XPR1: variants seen among roughly 807,000 people sequenced by gnomAD.
XPR1 encodes the protein solute carrier family 53 member 1.
A neutral mutation model predicts 87.5 loss-of-function variants in XPR1; 28 were observed. The ratio of observed to expected loss-of-function variants is 0.32; its 90% CI spans 0.24 to 0.44. XPR1 has a LOEUF of 0.44. XPR1 is among the 20% of genes least tolerant of loss of function. The probability of loss-of-function intolerance (pLI) is 1.00; values close to 1 mark genes in which losing one functional copy is unlikely to be tolerated. For missense variants in XPR1, 559 were observed against 862.3 expected, an observed-to-expected ratio of 0.65 and a Z score of 4.41; for synonymous variants, 300 against 306.1, an observed-to-expected ratio of 0.98 and a Z score of 0.21.
At chr1:180,657,873 G>A (rs1270906821) in intron 1 of XPR1, among the ~76,000 whole-genome samples, 1 of 151,976 alleles carries the variant, frequency 6.6e-6, no homozygotes, top group African/African-American at 2.4e-5. Context: ...AGATTGCTTT[G>A]GGTAATATGG....
intron 13 of XPR1, among the ~76,000 whole-genome samples, chr1:180,879,859 A>G (rs1023341935): frequency 6.6e-5 from 10 of 152,150 alleles, no homozygotes; most frequent in African/African-American, 2.4e-4. Context: ...CTAAAACTGC[A>G]TTGCATAAGT....
At chr1:180,685,092 TG>T (rs1656717736) in intron 2 of XPR1, among the ~76,000 whole-genome samples, 2 of 152,242 alleles carry the variant, frequency 1.3e-5, no homozygotes, top group South Asian at 4.1e-4. Flanking sequence ...TTCCAGTTTT[TG>T]CCCATTCAGT....
chr1:180,873,576 A>C (rs900013385), intron 12 of XPR1, among the ~76,000 whole-genome samples: 1 of 152,224 alleles, frequency 6.6e-6, no homozygotes, highest in Admixed American at 6.5e-5. Context: ...CAAATTCAGT[A>C]ATACTTCATA....
chr1:180,712,732 G>C (rs1447628902), intron 2 of XPR1, among the ~76,000 whole-genome samples: 1 of 152,062 alleles, frequency 6.6e-6, no homozygotes, highest in African/African-American at 2.4e-5. Context: ...CTTGAACCTG[G>C]GAGGCGGAGG....
At chr1:180,698,534 G>A (rs1657244899) in intron 2 of XPR1, among the ~76,000 whole-genome samples, 1 of 152,012 alleles carries the variant, frequency 6.6e-6, no homozygotes, top group African/African-American at 2.4e-5. Flanking sequence ...ATGTGGTTTG[G>A]TGGTTTTCTG....
At chr1:180,685,013 C>T (rs533739338) in intron 2 of XPR1, among the ~76,000 whole-genome samples, 1 of 152,158 alleles carries the variant, frequency 6.6e-6, no homozygotes, top group Non-Finnish European at 1.5e-5. Context: ...CCAGAACTTC[C>T]AACACTATGT....
chr1:180,834,177 G>A lies in XPR1; in HGVS notation c.1135-697G>A, dbSNP rs543048645. ...GCTCAGTGCAACCTCTGCCTCCCAG[G>A]TTCAAGCAATTCTCTTGTCTCAGCC... On this transcript the variant is annotated intron_variant, in intron 9 of 14. Transcript: ENST00000367590. 7.2e-5 allele frequency among the ~76,000 whole-genome samples: 11 copies of A among 152,084 alleles called. No homozygotes were observed. The East Asian group carries it at 2.1e-3, about 29-fold the overall frequency.
chr1:180,807,462 C>T (rs538213084), intron 6 of XPR1, among the ~76,000 whole-genome samples: 1 of 152,182 alleles, frequency 6.6e-6, no homozygotes, highest in South Asian at 2.1e-4. Context: ...TTTATAATAT[C>T]ATCAAAATAT....
chr1:180,875,379 C>A (rs777137241), intron 13 of XPR1, among the ~76,000 whole-genome samples: 1 of 151,676 alleles, frequency 6.6e-6, no homozygotes, highest in Non-Finnish European at 1.5e-5. Context: ...CATGGTGGTG[C>A]GCGCCTGTAG....
intron 2 of XPR1, among the ~76,000 whole-genome samples, chr1:180,779,324 G>A (rs1648848591): frequency 6.6e-6 from 1 of 152,080 alleles, no homozygotes; most frequent in South Asian, 2.1e-4. Context: ...CTGTGTGAGG[G>A]CAGGACCTAC....
intron 2 of XPR1, among the ~76,000 whole-genome samples, chr1:180,719,820 A>G (rs1557973223): frequency 6.6e-6 from 1 of 152,194 alleles, no homozygotes; most frequent in Non-Finnish European, 1.5e-5. Flanking sequence ...CCTTACATAA[A>G]CTGTTCAGTC....
intron 2 of XPR1, among the ~76,000 whole-genome samples, chr1:180,688,411 T>A (rs1656864338): frequency 1.3e-5 from 2 of 152,028 alleles, no homozygotes; most frequent in Admixed American, 6.6e-5. Flanking sequence ...AAATAATGCA[T>A]ATTTAAATTT....
At chr1:180,712,747 A>G (rs1657842588) in intron 2 of XPR1, among the ~76,000 whole-genome samples, 1 of 152,160 alleles carries the variant, frequency 6.6e-6, no homozygotes, top group Non-Finnish European at 1.5e-5. Context: ...CGGAGGTTGC[A>G]TTGAGGTGAG....
chr1:180,745,823 G>A (rs1217145198), intron 2 of XPR1, among the ~76,000 whole-genome samples: 1 of 152,198 alleles, frequency 6.6e-6, no homozygotes, highest in Admixed American at 6.5e-5. Context: ...TCTTCACATA[G>A]TTGCTGCATA....
rs2271667 is a variant in XPR1, at chr1:180,879,954, T to C, written c.1809-122T>C. ...AACACCATCTTTCCCTATTTTAATA[T>C]TCAAGCCCTTAATTCTTTGTTTTTG... On this transcript the variant is annotated intron_variant, in intron 13 of 14. Coordinates refer to ENST00000367590, the MANE Select transcript of XPR1 (RefSeq NM_004736.4). 2,638 of 1,031,288 alleles carry C rather than the reference T, an allele frequency of 2.6e-3. 68 individuals are homozygous for C. In the East Asian group the frequency reaches 0.057, roughly 22 times the overall value. 63.9% of individuals were successfully genotyped at this position (1,031,288 alleles called of 1,614,324 possible).
intron 13 of XPR1, among the ~76,000 whole-genome samples, chr1:180,875,929 A>G (rs545145949): frequency 6.6e-6 from 1 of 152,266 alleles, no homozygotes; most frequent in South Asian, 2.1e-4. Context: ...ATATCAATAA[A>G]TTTAAAAATT....
At chr1:180,668,980 T>A (rs976155677) in intron 1 of XPR1, among the ~76,000 whole-genome samples, 1 of 151,792 alleles carries the variant, frequency 6.6e-6, no homozygotes, top group East Asian at 1.9e-4. Flanking sequence ...TCCCAGCTAC[T>A]TGGGAGGCTG....
chr1:180,840,229 CAAAAAAAAAAA>C (rs5779073), intron 11 of XPR1, among the ~76,000 whole-genome samples: 1 of 66,846 alleles, frequency 1.5e-5, no homozygotes, highest in Non-Finnish European at 3.2e-5. Flanking sequence ...GACTCTGTCT[CAAAAAAAAAAA>C]AAAAAAAAAA....
chr1:180,717,743 C>T (rs1658046992), intron 2 of XPR1, among the ~76,000 whole-genome samples: 2 of 152,124 alleles, frequency 1.3e-5, no homozygotes, highest in South Asian at 2.1e-4. Context: ...TCTTCTCAAC[C>T]CTGTGTTCAC....
Sources: allele counts gnomAD v4.1 joint callset (sites outside exome capture counted in the v4.1 genomes callset), GRCh38; gene constraint gnomAD v4.1.1; transcripts MANE v1.5; gene names NCBI Gene and HGNC (gene_info 2026-07-23, HGNC 2026-07-21).